The following ARSG variants were observed in gnomAD, a reference collection of about 807,000 sequenced individuals.
The protein encoded by ARSG is ASG.
In ARSG, 37 loss-of-function variants were observed where a neutral mutation model predicts 50.5. That is an observed-to-expected ratio of 0.73 (90% confidence interval 0.56 to 0.96). The LOEUF is 0.96. Among genes scored for constraint, ARSG ranks in the 50% least tolerant of loss-of-function variants. The pLI is 0.00. For synonymous variants in ARSG, 225 were observed against 254.6 expected (o/e 0.88, Z 1.11); for missense variants, 629 against 675.3 (o/e 0.93, Z 0.76).
At chr17:68,273,153 CTG>C (rs1406066145) in intron 1 of ARSG, among the ~76,000 whole-genome samples, 1 of 151,816 alleles carries the variant, frequency 6.6e-6, no homozygotes, top group African/African-American at 2.4e-5. Context: ...ATCTTAACAA[CTG>C]TGTGTGTATC....
chr17:68,371,060 C>T (rs1599923420), intron 8 of ARSG, among the ~76,000 whole-genome samples: 2 of 152,156 alleles, frequency 1.3e-5, no homozygotes, highest in East Asian at 3.9e-4. Flanking sequence ...GTGGCTCACG[C>T]CTGTAATCCC....
chr17:68,398,063 G>T (rs575226310), intron 10 of ARSG, among the ~76,000 whole-genome samples: 1 of 152,230 alleles, frequency 6.6e-6, no homozygotes, highest in African/African-American at 2.4e-5. Flanking sequence ...CACTGTGCCT[G>T]GGCTGCATAT....
the ARSG span, among the ~76,000 whole-genome samples, chr17:68,448,111 G>T: frequency 6.6e-6 from 1 of 152,014 alleles, no homozygotes; most frequent in South Asian, 2.1e-4. Flanking sequence ...GGAAGTAGCA[G>T]ACTGAGTGCT....
downstream of ARSG, chr17:68,421,432 C>T (rs2082764568): frequency 3.4e-6 from 1 of 295,560 alleles, no homozygotes; most frequent in African/African-American, 2.1e-5. Context: ...AAGAGATGTT[C>T]CTATAAGTAC....
chr17:68,426,016 G>A (rs765080044), downstream of ARSG: 23 of 1,392,016 alleles, frequency 1.7e-5, no homozygotes, highest in South Asian at 6.9e-5. Flanking sequence ...CGTATGAGGC[G>A]AAGGTTTCCT....
rs2080637420 is a variant in ARSG, at chr17:68,385,074, A to G, written c.993A>G (p.Pro331=). 6.2e-7 allele frequency: 1 copy of G among 1,613,800 alleles called. No homozygotes were observed. The highest frequency in any genetic ancestry group is 8.5e-7 in the Non-Finnish European group (1 of 1,179,890). The change falls in exon 9 of 12, where the codon CCA becomes CCG. Residue 331 remains proline, a synonymous_variant. Transcript: ENST00000621439. The part of the protein sequence containing the change: ...GFWQTRQGGS[P]AKQTTWEGGH... ...CCCCTCCTCTCACAGGGGGAAGTCCAGCCAAGCAGACGACCTGGGAAGGAG... is the reference window on the plus strand; with the variant it reads ...CCCCTCCTCTCACAGGGGGAAGTCCGGCCAAGCAGACGACCTGGGAAGGAG...
At chr17:68,286,561 G>A (rs192114721), upstream of ARSG, among the ~76,000 whole-genome samples, 58 of 152,242 alleles carry the variant, frequency 3.8e-4, no homozygotes, top group African/African-American at 1.4e-3. Context: ...CTGAAGTGCA[G>A]TGGCACGATC....
intron 10 of ARSG, among the ~76,000 whole-genome samples, chr17:68,397,685 C>T (rs1244464028): frequency 1.3e-5 from 2 of 152,170 alleles, no homozygotes; most frequent in African/African-American, 2.4e-5. Flanking sequence ...CATATGTGTG[C>T]ATACGTCTAT....
the ARSG span, chr17:68,435,656 A>G: frequency 6.2e-7 from 1 of 1,614,242 alleles, no homozygotes; most frequent in East Asian, 2.2e-5. Context: ...AGCCTGAGGC[A>G]TTGAAGGTGA....
intron 2 of ARSG, among the ~76,000 whole-genome samples, chr17:68,311,362 C>T (rs542081283): frequency 2.6e-5 from 4 of 152,212 alleles, no homozygotes; most frequent in South Asian, 2.1e-4. Flanking sequence ...GTGGATGCCT[C>T]GGGTGTTCTG....
chr17:68,331,893 A>G (rs1277047680), intron 2 of ARSG, among the ~76,000 whole-genome samples: 1 of 152,210 alleles, frequency 6.6e-6, no homozygotes, highest in African/African-American at 2.4e-5. Flanking sequence ...CAGAGATCAC[A>G]TGCTTCACGA....
At chr17:68,277,401 A>G (rs1351283161) in intron 1 of ARSG, among the ~76,000 whole-genome samples, 1 of 151,914 alleles carries the variant, frequency 6.6e-6, no homozygotes, top group Non-Finnish European at 1.5e-5. Context: ...AAGTGCTGGG[A>G]TTACAGGCGT....
chr17:68,371,651 T>C (rs2079852877), intron 8 of ARSG, among the ~76,000 whole-genome samples: 1 of 152,202 alleles, frequency 6.6e-6, no homozygotes, highest in African/African-American at 2.4e-5. Context: ...GAATTTGTCT[T>C]AAGGAAATAA....
At chr17:68,359,531 GT>G (rs1568519433) in intron 6 of ARSG, 1 of 152,178 alleles carries the variant, frequency 6.6e-6, no homozygotes, top group Non-Finnish European at 1.5e-5. Flanking sequence ...GAAACTTGGT[GT>G]TTTCTACAGC....
At chr17:68,321,964 G>A (rs782332026) in intron 2 of ARSG, among the ~76,000 whole-genome samples, 1 of 152,246 alleles carries the variant, frequency 6.6e-6, no homozygotes, top group Admixed American at 6.5e-5. Context: ...TGGCCAGGAG[G>A]GGGAAAAAAG....
chr17:68,428,850 C>G, the ARSG span: 3 of 1,613,954 alleles, frequency 1.9e-6, no homozygotes, highest in Non-Finnish European at 2.5e-6. Context: ...GATTAAGACA[C>G]ACTCTCCTCC....
intron 2 of ARSG, among the ~76,000 whole-genome samples, chr17:68,324,060 A>C (rs1260601961): frequency 1.4e-5 from 2 of 144,476 alleles, no homozygotes; most frequent in African/African-American, 5.2e-5. Flanking sequence ...TTAACAGAGC[A>C]AAACTCCATC....
At chr17:68,394,370 G>A (rs929494517) in intron 9 of ARSG, among the ~76,000 whole-genome samples, 1 of 152,026 alleles carries the variant, frequency 6.6e-6, no homozygotes, top group South Asian at 2.1e-4. Context: ...GGGAGGCTGA[G>A]GCAGGAGAAT....
the ARSG span, among the ~76,000 whole-genome samples, chr17:68,439,670 G>A: frequency 6.6e-6 from 1 of 152,224 alleles, no homozygotes; most frequent in Non-Finnish European, 1.5e-5. Context: ...TTTAAGGCAT[G>A]TTTCAGGAAT....
Sources: gnomAD v4.1 joint callset for allele counts (sites outside exome capture counted in the v4.1 genomes callset) on GRCh38, gnomAD v4.1.1 for gene constraint, MANE v1.5 for transcripts, NCBI Gene and HGNC (gene_info 2026-07-23, HGNC 2026-07-21) for gene names.